GCNT4: variants seen among roughly 807,000 people sequenced by gnomAD.
The protein encoded by GCNT4 is beta-1,3-galactosyl-O-glycosyl-glycoprotein beta-1,6-N-acetylglucosaminyltransferase 4.
A neutral mutation model predicts 31.3 loss-of-function variants in GCNT4; 17 were observed. The ratio of observed to expected loss-of-function variants is 0.54; its 90% confidence interval spans 0.37 to 0.81. The LOEUF (loss-of-function observed/expected upper bound fraction) is 0.81. Ranked by LOEUF, GCNT4 falls within the 40% of genes least tolerant of loss-of-function variation. The probability of loss-of-function intolerance (pLI) is 0.00; values close to 1 mark genes in which losing one functional copy is unlikely to be tolerated. For missense variants in GCNT4, 503 were observed against 525.5 expected, an observed-to-expected ratio of 0.96 and a Z score of 0.42; for synonymous variants, 158 against 190.6, an observed-to-expected ratio of 0.83 and a Z score of 1.41.
chr5:75,027,319 TAATA>T lies in GCNT4; in HGVS notation c.*1353_*1356del, dbSNP rs1182478028. On this transcript the variant is annotated 3_prime_UTR_variant, in exon 4 of 4. Coordinates refer to ENST00000652361, the MANE Select transcript of GCNT4 (RefSeq NM_001366737.1). ...ATATATATATAATTATATGTATATA[TAATA>T]TATATTCATATACAATATATGTATA... 5 of 70,096 alleles carry T rather than the reference TAATA, an allele frequency of 7.1e-5. No individual in the cohort carries two copies. Among genetic ancestry groups the T allele is most frequent in the East Asian group, 2.3e-4 (1 of 4,370 alleles). The allele number at this position is 70,096 out of a possible 1,614,324, so 4.3% of individuals were successfully genotyped here.
At chr5:75,024,239 T>C (rs557284179), downstream of GCNT4, among the ~76,000 whole-genome samples, 2 of 152,306 alleles carry the variant, frequency 1.3e-5, no homozygotes, top group Non-Finnish European at 2.9e-5. Context: ...ATGCTGTGTA[T>C]AGACCTGCCT....
intron 1 of GCNT4, 35 bp from the exon 2 acceptor site, chr5:75,052,262 GAAAA>G (rs1046831436): frequency 3.5e-5 from 5 of 141,676 alleles, no homozygotes; most frequent in Non-Finnish European, 6.1e-5. Flanking sequence ...AAAAAAAAAA[GAAAA>G]AGAAAAAAAT....
chr5:75,043,714 T>A (rs550468524), intron 3 of GCNT4, among the ~76,000 whole-genome samples: 22 of 152,114 alleles, frequency 1.4e-4, no homozygotes, highest in Non-Finnish European at 2.4e-4. Flanking sequence ...TCCTGTTACA[T>A]GAGAAAAGTA....
At chr5:75,044,513 C>T (rs111843857) in intron 3 of GCNT4, among the ~76,000 whole-genome samples, 35 of 151,674 alleles carry the variant, frequency 2.3e-4, no homozygotes, top group Non-Finnish European at 4.0e-4. Context: ...ACGGTTACTG[C>T]GATGACTAAA....
the GCNT4 span, among the ~76,000 whole-genome samples, chr5:75,019,964 G>A: frequency 1.3e-5 from 2 of 152,154 alleles, no homozygotes; most frequent in African/African-American, 4.8e-5. Flanking sequence ...TTTTGAAAAT[G>A]GTTTCACTGT....
At chr5:75,032,872 G>GGTGGGGGTGTGTGTGTGT (rs55942109) in intron 3 of GCNT4, among the ~76,000 whole-genome samples, 4 of 130,646 alleles carry the variant, frequency 3.1e-5, no homozygotes, top group South Asian at 2.6e-4. Context: ...CCCAAATAGG[G>GGTGGGGGTGTGTGTGTGT]GTGTGTGTGT....
At chr5:75,022,475 C>T (rs1742891506), downstream of GCNT4, among the ~76,000 whole-genome samples, 1 of 152,140 alleles carries the variant, frequency 6.6e-6, no homozygotes, top group Non-Finnish European at 1.5e-5. Context: ...AAATAATGTT[C>T]AGGAAAGATA....
At position 75,027,332 on chromosome 5, in the gene GCNT4, TATACA is replaced by T. The variant is rs371212229; in HGVS notation, c.*1339_*1343del. 161 of 41,158 alleles carry T rather than the reference TATACA, an allele frequency of 3.9e-3. 2 individuals carry two copies. The African/African-American group carries it at 0.044, about 11-fold the overall frequency. 2.5% of individuals were successfully genotyped at this position (41,158 alleles called of 1,614,324 possible). Reference sequence around the variant, plus strand: ...TATATGTATATATAATATATATTCATATACAATATATGTATATATAATATATATAT... The same window carrying T: ...TATATGTATATATAATATATATTCATATATATGTATATATAATATATATAT... On this transcript the variant is annotated 3_prime_UTR_variant, in exon 4 of 4. Transcript: ENST00000652361.
At position 75,026,067 on chromosome 5, in the gene GCNT4, G is replaced by C. The variant is rs985248127; in HGVS notation, c.*2609C>G. The stretch of plus-strand genomic sequence containing the variant: ...AAAGGTGTGATCTGACAAGCTCCCT[G>C]ATATGTTAACAGACTGAGTCCAGAG... On this transcript the variant is annotated 3_prime_UTR_variant, in exon 4 of 4. Coordinates refer to ENST00000652361, the MANE Select transcript of GCNT4 (RefSeq NM_001366737.1). The C allele has an allele frequency of 3.3e-5, 5 of 152,186 alleles. No homozygotes were observed. The highest frequency in any genetic ancestry group is 9.6e-5 in the African/African-American group (4 of 41,452). 9.4% of individuals were successfully genotyped at this position (152,186 alleles called of 1,614,324 possible).
chr5:75,022,471 T>C (rs1026340145), downstream of GCNT4, among the ~76,000 whole-genome samples: 2 of 152,196 alleles, frequency 1.3e-5, no homozygotes, highest in Non-Finnish European at 2.9e-5. Flanking sequence ...GTTGAAATAA[T>C]GTTCAGGAAA....
At chr5:75,053,226 C>T (rs1386537094), upstream of GCNT4, among the ~76,000 whole-genome samples, 1 of 151,666 alleles carries the variant, frequency 6.6e-6, no homozygotes, top group Non-Finnish European at 1.5e-5. Flanking sequence ...CGCCGGGTCG[C>T]CCACCCGGCC....
At chr5:75,040,534 A>G (rs74964185) in intron 3 of GCNT4, among the ~76,000 whole-genome samples, 13,151 of 152,278 alleles carry the variant, frequency 0.086, 765 homozygotes, top group Non-Finnish European at 0.13. Flanking sequence ...ACTCTAGCAT[A>G]TCACTTAATC....
intron 3 of GCNT4, among the ~76,000 whole-genome samples, chr5:75,034,804 A>G (rs1455574850): frequency 2.0e-5 from 3 of 152,256 alleles, no homozygotes; most frequent in African/African-American, 7.2e-5. Context: ...CCCAATAGGG[A>G]TGTTGAATGA....
In GCNT4 at chr5:75,028,506, G is replaced by T; in HGVS notation, c.*170C>A. 1 of 605,726 alleles carries T rather than the reference G, an allele frequency of 1.7e-6. No homozygotes were observed. The allele number at this position is 605,726 out of a possible 1,614,324, so 37.5% of individuals were successfully genotyped here. ...AAATATTAAAAAAACCTAGCCAACT[G>T]CAGGCTAATAACATCAAAGGCTAGA... is the stretch of plus-strand genomic sequence containing the variant. On this transcript the variant is annotated 3_prime_UTR_variant, in exon 4 of 4. Coordinates refer to ENST00000652361, the MANE Select transcript of GCNT4 (RefSeq NM_001366737.1).
chr5:75,029,883 G>A lies in GCNT4; in HGVS notation c.155C>T (p.Thr52Ile), dbSNP rs756612010. The change falls in exon 4 of 4, where the codon ACC (threonine) becomes ATC (isoleucine). Residue 52 changes from threonine to isoleucine, a missense_variant. Thr to Ile is a moderately conservative substitution (Grantham distance 89). Coordinates refer to ENST00000652361, the MANE Select transcript of GCNT4 (RefSeq NM_001366737.1). ...DIYLVEYSLS[T>I]SPFVRNRYTH... is the part of the protein sequence containing the mutation. ...GTATCTGTTTCTTACAAAAGGCGAGGTACTTAGGGAGTACTCAACCAAGTA... is the reference window on the plus strand; with the variant it reads ...GTATCTGTTTCTTACAAAAGGCGAGATACTTAGGGAGTACTCAACCAAGTA... 23 of 1,614,008 alleles carry A rather than the reference G, an allele frequency of 1.4e-5. No homozygotes were observed. The highest frequency in any genetic ancestry group is 1.6e-4 in the Middle Eastern group (1 of 6,084).
Position 75,028,563 on chromosome 5 carries a change from C to A in GCNT4, c.*113G>T, listed in dbSNP as rs1262578125. On this transcript the variant is annotated 3_prime_UTR_variant, in exon 4 of 4. Coordinates refer to ENST00000652361, the MANE Select transcript of GCNT4 (RefSeq NM_001366737.1). ...TCCCTTGTGTATGGAATTTTGGACACCTTTTAAAATATGGGAGGACTGAGT... is the reference window on the plus strand; with the variant it reads ...TCCCTTGTGTATGGAATTTTGGACAACTTTTAAAATATGGGAGGACTGAGT... 5.9e-6 allele frequency: 6 copies of A among 1,017,414 alleles called. No homozygotes were observed. In the East Asian group the frequency reaches 1.3e-4, roughly 21 times the overall value. The allele number at this position is 1,017,414 out of a possible 1,614,324, so 63.0% of individuals were successfully genotyped here.
In GCNT4 at chr5:75,028,210, A is replaced by G. The variant is rs1246658589; in HGVS notation, c.*466T>C. Reference sequence around the variant, plus strand: ...AAGAAATGTCTTGAAAGCTGAGTTAAGAGACAAGTGGAGTGTTGGTCACAG... The same window carrying G: ...AAGAAATGTCTTGAAAGCTGAGTTAGGAGACAAGTGGAGTGTTGGTCACAG... On this transcript the variant is annotated 3_prime_UTR_variant, in exon 4 of 4. Coordinates refer to ENST00000652361, the MANE Select transcript of GCNT4 (RefSeq NM_001366737.1). 6.5e-6 allele frequency: 1 copy of G among 154,642 alleles called. No individual in the cohort carries two copies. The highest frequency in any genetic ancestry group is 1.4e-5 in the Non-Finnish European group (1 of 69,600). The allele number at this position is 154,642 out of a possible 1,614,324, so 9.6% of individuals were successfully genotyped here.
At position 75,026,368 on chromosome 5, in the gene GCNT4, T is replaced by C. The variant is rs1742943764; in HGVS notation, c.*2308A>G. ...AAAGTATTTGTAGCCCCATTCTCAA[T>C]GTGTCACTGTACCAACCTGTAACCC... On this transcript the variant is annotated 3_prime_UTR_variant, in exon 4 of 4. Coordinates refer to ENST00000652361, the MANE Select transcript of GCNT4 (RefSeq NM_001366737.1). The C allele has an allele frequency of 1.3e-5, 2 of 152,130 alleles. No homozygotes were observed. Among genetic ancestry groups the C allele is most frequent in the South Asian group, 4.1e-4 (2 of 4,830 alleles). 9.4% of individuals were successfully genotyped at this position (152,130 alleles called of 1,614,324 possible). A position where few individuals can be genotyped will look rare whatever the true frequency, so the allele number is the denominator to read the frequency against.
At chr5:75,024,625 G>T (rs1198629296), downstream of GCNT4, among the ~76,000 whole-genome samples, 1 of 152,096 alleles carries the variant, frequency 6.6e-6, no homozygotes, top group Non-Finnish European at 1.5e-5. Flanking sequence ...GGGGACACTG[G>T]GGGTGTCTGC....
Sources: allele counts gnomAD v4.1 joint callset (sites outside exome capture counted in the v4.1 genomes callset), GRCh38; gene constraint gnomAD v4.1.1; transcripts MANE v1.5; gene names NCBI Gene and HGNC (gene_info 2026-07-23, HGNC 2026-07-21).